The following SPATA21 variants were observed in gnomAD, a reference collection of about 807,000 sequenced individuals.
SPATA21 encodes the protein spermatogenesis-associated protein 21.
Under a neutral mutation model 54.8 loss-of-function variants are expected in SPATA21, and 47 were observed. That is an observed-to-expected ratio of 0.86 (90% confidence interval 0.68 to 1.09). The LOEUF is 1.09. Ranked by LOEUF, SPATA21 falls within the 50% of genes least tolerant of loss-of-function variation. SPATA21 has a pLI of 0.00. For synonymous variants in SPATA21, 245 were observed against 235.3 expected (o/e 1.04, Z -0.38); for missense variants, 599 against 596.4 (o/e 1.00, Z -0.05).
Position 16,409,960 on chromosome 1 carries a change from C to T in SPATA21, c.228G>A (p.Gln76=). The change falls in exon 6 of 13, where the codon CAG becomes CAA. Residue 76 remains glutamine, a synonymous_variant. Transcript: ENST00000335496. The surrounding 1 kb of genome is among the most constrained non-coding windows in gnomAD (Gnocchi z 4.1). ...PQKPAVAAGT[Q]SLGNFRQGFM... is the part of the protein sequence containing the mutation. The stretch of plus-strand genomic sequence containing the variant: ...AGCCCTGCCGGAAGTTCCCGAGGCT[C>T]TGTGTCCCTGCAGCCACCGCGGGCT... 6.2e-7 allele frequency: 1 copy of T among 1,613,030 alleles called. No homozygotes were observed. Among genetic ancestry groups the T allele is most frequent in the Non-Finnish European group, 8.5e-7 (1 of 1,179,584 alleles).
intron 3 of SPATA21, among the ~76,000 whole-genome samples, chr1:16,423,486 GAAC>G (rs1307582118): frequency 7.2e-6 from 1 of 138,160 alleles, no homozygotes; most frequent in Non-Finnish European, 1.5e-5. Context: ...GCAACCAAAA[GAAC>G]AACATGTTGA....
chr1:16,403,930 C>A, intron 9 of SPATA21, 38 bp downstream of exon 9: 1 of 1,612,274 alleles, frequency 6.2e-7, no homozygotes, highest in Non-Finnish European at 8.5e-7. Flanking sequence ...CCCAGCCCCT[C>A]CTCCAGTTCT....
intron 3 of SPATA21, among the ~76,000 whole-genome samples, chr1:16,424,236 C>T (rs1192583482): frequency 0.015 from 13 of 852 alleles, no homozygotes; most frequent in East Asian, 0.033. Context: ...TGGCATGAAC[C>T]TGGGAGGCAG....
At chr1:16,436,386 C>CAA (rs59926630) in intron 1 of SPATA21, among the ~76,000 whole-genome samples, 3,573 of 84,468 alleles carry the variant, frequency 0.042, 187 homozygotes, top group African/African-American at 0.12. Flanking sequence ...GACTCTGTCT[C>CAA]AAAAAAAAAA....
chr1:16,422,029 C>G (rs2086187644), intron 3 of SPATA21, 58 bp from the exon 4 acceptor site: 1 of 1,613,550 alleles, frequency 6.2e-7, no homozygotes, highest in Non-Finnish European at 8.5e-7. Context: ...CCATGTCCCC[C>G]TGGGCTGGGC....
At chr1:16,405,237 C>T in intron 7 of SPATA21, 133 bp from the exon 8 acceptor site, 1 of 1,291,266 alleles carries the variant, frequency 7.7e-7, no homozygotes, top group Non-Finnish European at 1.0e-6. Context: ...TGCGTTGGCT[C>T]ACACCTGTAA....
chr1:16,414,176 G>A (rs895152958), intron 5 of SPATA21, among the ~76,000 whole-genome samples: 2 of 151,238 alleles, frequency 1.3e-5, no homozygotes, highest in African/African-American at 4.9e-5. Context: ...AGTGATTCTC[G>A]TGCCTCAGCC....
rs963148597 is a variant in SPATA21 at position 16,421,358 on chromosome 1, C to T, written c.144+151G>A. 5.5e-6 allele frequency: 4 copies of T among 723,312 alleles called. No homozygotes were observed. The highest frequency in any genetic ancestry group is 5.6e-5 in the Admixed American group (2 of 35,882). 44.8% of individuals were successfully genotyped at this position (723,312 alleles called of 1,614,324 possible). A position where few individuals can be genotyped will look rare whatever the true frequency, so the allele number is the denominator to read the frequency against. On this transcript the variant is annotated intron_variant, in intron 5 of 12. Transcript: ENST00000335496. This position sits in a 1 kb window ranked among gnomAD's most constrained non-coding sequence, Gnocchi z 5.2. The stretch of plus-strand genomic sequence containing the variant: ...ACACACACGTGTGCACATCCATGTG[C>T]ACTTTAACACACAGCCACACACACC...
rs1248951829 is a variant in SPATA21, at chr1:16,409,070, C to T, written c.673+48G>A. 1 of 1,603,974 alleles carries T rather than the reference C, an allele frequency of 6.2e-7. No homozygotes were observed. Among genetic ancestry groups the T allele is most frequent in the Non-Finnish European group, 8.5e-7 (1 of 1,171,314 alleles). ...CCCTGCGCCTATAAACCCCCAAGGA[C>T]CAAGGGTCCTGCCTGTGCTGGGACC... On this transcript the variant is annotated intron_variant, in intron 7 of 12. Coordinates refer to ENST00000335496, the MANE Select transcript of SPATA21 (RefSeq NM_198546.1). The surrounding 1 kb of genome is among the most constrained non-coding windows in gnomAD (Gnocchi z 4.1).
intron 5 of SPATA21, among the ~76,000 whole-genome samples, chr1:16,419,897 G>T (rs113355239): frequency 3.9e-5 from 6 of 152,200 alleles, no homozygotes; most frequent in African/African-American, 1.2e-4. Context: ...CTGAGATTGC[G>T]CCACTGCACT....
chr1:16,433,630 C>T (rs2086515556), intron 1 of SPATA21, among the ~76,000 whole-genome samples: 1 of 152,214 alleles, frequency 6.6e-6, no homozygotes, highest in South Asian at 2.1e-4. Flanking sequence ...CAGTATTCCA[C>T]AAACTGAAGT....
chr1:16,425,492 C>T, intron 3 of SPATA21: 1 of 1,545,322 alleles, frequency 6.5e-7, no homozygotes, highest in Non-Finnish European at 8.7e-7. Flanking sequence ...GTAGGTCATT[C>T]CATACCCTTC....
In SPATA21 at chr1:16,398,837, A is replaced by T; in HGVS notation, c.1353-15T>A. On this transcript the variant is annotated splice_polypyrimidine_tract_variant and intron_variant, in intron 12 of 12. Coordinates refer to ENST00000335496, the MANE Select transcript of SPATA21 (RefSeq NM_198546.1). ...AGTTGTGTTCCCTGGGGAGAGGAGTAGGGCAGAAGGGTGGGAGACATGTGG... is the reference window on the plus strand; with the variant it reads ...AGTTGTGTTCCCTGGGGAGAGGAGTTGGGCAGAAGGGTGGGAGACATGTGG... 1 of 1,610,876 alleles carries T rather than the reference A, an allele frequency of 6.2e-7. No individual in the cohort carries two copies. Among genetic ancestry groups the T allele is most frequent in the Non-Finnish European group, 8.5e-7 (1 of 1,178,514 alleles).
intron 5 of SPATA21, among the ~76,000 whole-genome samples, chr1:16,412,054 A>G (rs2085866324): frequency 6.6e-6 from 1 of 151,932 alleles, no homozygotes; most frequent in African/African-American, 2.4e-5. Flanking sequence ...CCTTCTGGAA[A>G]TGCTCCCTTC....
At chr1:16,422,766 C>G (rs1419346322) in intron 3 of SPATA21, among the ~76,000 whole-genome samples, 12 of 152,074 alleles carry the variant, frequency 7.9e-5, no homozygotes, top group Admixed American at 3.3e-4. Context: ...CCTCAGCCTC[C>G]CAAAGTGCTG....
At chr1:16,435,939 A>G (rs964836836) in intron 1 of SPATA21, among the ~76,000 whole-genome samples, 27 of 152,156 alleles carry the variant, frequency 1.8e-4, no homozygotes, top group Admixed American at 1.4e-3. Context: ...GAAGCACAGA[A>G]GTTTTAAATT....
At position 16,421,921 on chromosome 1, in the gene SPATA21, C is replaced by CT; in HGVS notation, c.84dup (p.Ala29SerfsTer6). 6.2e-7 allele frequency: 1 copy of CT among 1,614,164 alleles called. No individual in the cohort carries two copies. Among genetic ancestry groups the CT allele is most frequent in the East Asian group, 2.2e-5 (1 of 44,878 alleles). ...TGGATGATGACTTACCCTCCTTTTG[C>CT]TTTTTTAGGTCCAGGCGTGGATGGC... On this transcript the variant is annotated frameshift_variant, in exon 4 of 13. Transcript: ENST00000335496. LOFTEE classifies it high-confidence loss of function. This position sits in a 1 kb window ranked among gnomAD's most constrained non-coding sequence, Gnocchi z 5.2.
rs2086180773 is a variant in SPATA21 at position 16,421,810 on chromosome 1, T to C, written c.95+101A>G. ...GGAGCATGACTTGCCCAAGGTCCTC[T>C]ACCAGGTCAGGAGCAGTCTGGACTA... On this transcript the variant is annotated intron_variant, in intron 4 of 12. Transcript: ENST00000335496. This position sits in a 1 kb window ranked among gnomAD's most constrained non-coding sequence, Gnocchi z 5.2. 1.9e-6 allele frequency: 3 copies of C among 1,563,002 alleles called. No homozygotes were observed. The highest frequency in any genetic ancestry group is 3.4e-5 in the Admixed American group (2 of 59,326).
chr1:16,397,363 G>C (rs1412031166), downstream of SPATA21: 4 of 152,280 alleles, frequency 2.6e-5, no homozygotes, highest in Non-Finnish European at 5.9e-5. The surrounding 1 kb of genome is among the most constrained non-coding windows in gnomAD (Gnocchi z 5.4). Context: ...ACAGGAAACT[G>C]TATTGTGTCG....
Sources: allele counts gnomAD v4.1 joint callset (sites outside exome capture counted in the v4.1 genomes callset), GRCh38; gene constraint gnomAD v4.1.1; non-coding constraint Gnocchi (gnomAD v3.1); transcripts MANE v1.5; gene names NCBI Gene and HGNC (gene_info 2026-07-23, HGNC 2026-07-21).